VPS50: variants seen among roughly 807,000 people sequenced by gnomAD.
VPS50 encodes VPS50 subunit of EARP/GARPII complex, also known as syndetin.
In VPS50, 70 loss-of-function variants were observed where a neutral mutation model predicts 139.7. The observed-to-expected ratio is 0.50, with a 90% confidence interval of 0.41 to 0.61. The LOEUF is 0.61. Among genes scored for constraint, VPS50 ranks in the 20% least tolerant of loss-of-function variants. The probability of loss-of-function intolerance (pLI) is 0.00; values close to 1 mark genes in which losing one functional copy is unlikely to be tolerated. For missense variants in VPS50, 921 were observed against 1,133.7 expected, an observed-to-expected ratio of 0.81 and a Z score of 2.69; for synonymous variants, 365 against 376.7, an observed-to-expected ratio of 0.97 and a Z score of 0.36.
chr7:93,327,323 T>G (rs1204975041), intron 21 of VPS50, among the ~76,000 whole-genome samples: 1 of 152,168 alleles, frequency 6.6e-6, no homozygotes, highest in Non-Finnish European at 1.5e-5. Context: ...GTGACTACTA[T>G]CATATGGGAC....
chr7:93,237,294 A>G (rs1414734251), intron 1 of VPS50, among the ~76,000 whole-genome samples: 1 of 152,144 alleles, frequency 6.6e-6, no homozygotes, highest in Admixed American at 6.5e-5. Context: ...TGATCATAGA[A>G]TATAATGCAC....
chr7:93,276,266 C>T lies in VPS50; in HGVS notation c.903C>T (p.Asp301=). ...GYVELCAGNT[D]TKFQKLQYKD... Reference sequence around the variant, plus strand: ...TGGAACTATGTGCAGGAAACACAGACACAAAATTCCAAAAGCTGCAATATA... The same window carrying T: ...TGGAACTATGTGCAGGAAACACAGATACAAAATTCCAAAAGCTGCAATATA... Residue 301 remains aspartate, a synonymous_variant, in exon 12 of 28, where the codon GAC becomes GAT. Transcript: ENST00000305866. 3 of 1,613,554 alleles carry T rather than the reference C, an allele frequency of 1.9e-6. No individual in the cohort carries two copies. In the African/African-American group the frequency reaches 4.0e-5, roughly 22 times the overall value.
chr7:93,244,605 CAAG>C (rs1215357836), intron 2 of VPS50, among the ~76,000 whole-genome samples: 2 of 151,868 alleles, frequency 1.3e-5, no homozygotes, highest in African/African-American at 4.8e-5. Flanking sequence ...AAATATGACA[CAAG>C]AAATATACAT....
intron 21 of VPS50, among the ~76,000 whole-genome samples, chr7:93,326,355 A>T (rs1251592472): frequency 1.3e-5 from 2 of 148,920 alleles, no homozygotes; most frequent in Non-Finnish European, 1.5e-5. Flanking sequence ...CTAAATGACG[A>T]GTTAATGGGT....
intron 21 of VPS50, among the ~76,000 whole-genome samples, chr7:93,325,303 G>A (rs1797736579): frequency 6.6e-6 from 1 of 152,150 alleles, no homozygotes; most frequent in African/African-American, 2.4e-5. Flanking sequence ...ATTAATTCAA[G>A]ATGGATTAAA....
rs10232748 is a variant in VPS50, at chr7:93,341,282, G to A, written c.2059-145G>A. The stretch of plus-strand genomic sequence containing the variant: ...AGAAGGTTCCAATAGTTACAAACAT[G>A]AAAGCAGGATAAAAAGAACTGAACC... On this transcript the variant is annotated intron_variant, in intron 22 of 27. Coordinates refer to ENST00000305866, the MANE Select transcript of VPS50 (RefSeq NM_017667.4). 2.0e-3 allele frequency: 1,147 copies of A among 573,684 alleles called. 11 individuals carry two copies. In the African/African-American group the frequency reaches 0.02, roughly 10 times the overall value. The allele number at this position is 573,684 out of a possible 1,614,324, so 35.5% of individuals were successfully genotyped here.
In VPS50 at chr7:93,358,682, G is replaced by T; in HGVS notation, c.*246G>T. 5.7e-6 allele frequency: 2 copies of T among 350,078 alleles called. No individual in the cohort carries two copies. The highest frequency in any genetic ancestry group is 1.1e-5 in the Non-Finnish European group (2 of 186,864). 21.7% of individuals were successfully genotyped at this position (350,078 alleles called of 1,614,324 possible). On this transcript the variant is annotated 3_prime_UTR_variant, in exon 28 of 28. Coordinates refer to ENST00000305866, the MANE Select transcript of VPS50 (RefSeq NM_017667.4). Reference sequence around the variant, plus strand: ...GATGTTGCCGCCTTGTCATAACAATGGTTATGTGACTACAGTTATACATTT... The same window carrying T: ...GATGTTGCCGCCTTGTCATAACAATTGTTATGTGACTACAGTTATACATTT...
intron 6 of VPS50, 173 bp downstream of exon 6, chr7:93,257,637 A>G: frequency 2.1e-6 from 1 of 473,102 alleles, no homozygotes; most frequent in Non-Finnish European, 3.7e-6. Flanking sequence ...TTTGTGGGAA[A>G]TATCTCTAAG....
chr7:93,266,415 G>A (rs1055643890), intron 9 of VPS50, among the ~76,000 whole-genome samples: 2 of 152,052 alleles, frequency 1.3e-5, no homozygotes, highest in Non-Finnish European at 2.9e-5. Flanking sequence ...AGATATTATC[G>A]CTGTGCCATC....
chr7:93,256,679 G>T (rs1394321895), intron 5 of VPS50, 117 bp downstream of exon 5: 2 of 590,546 alleles, frequency 3.4e-6, no homozygotes, highest in African/African-American at 4.0e-5. Context: ...CATATTGACT[G>T]TTTTTGGGTG....
intron 22 of VPS50, chr7:93,340,788 C>T (rs1759626066): frequency 6.6e-6 from 1 of 152,236 alleles, no homozygotes; most frequent in Admixed American, 6.5e-5. Context: ...CTGCATCACT[C>T]CTGTTGACTA....
At chr7:93,287,713 T>C (rs1796532586) in intron 12 of VPS50, among the ~76,000 whole-genome samples, 1 of 152,160 alleles carries the variant, frequency 6.6e-6, no homozygotes, top group Non-Finnish European at 1.5e-5. Flanking sequence ...AAGTTAGAAC[T>C]ACTGACTTGT....
intron 12 of VPS50, among the ~76,000 whole-genome samples, chr7:93,287,884 G>A (rs1038037728): frequency 2.6e-5 from 4 of 152,044 alleles, no homozygotes; most frequent in African/African-American, 9.7e-5. Flanking sequence ...GGTATGTCAG[G>A]TATAATTTTG....
At chr7:93,245,488 A>G (rs531938746) in intron 2 of VPS50, among the ~76,000 whole-genome samples, 11 of 150,466 alleles carry the variant, frequency 7.3e-5, no homozygotes, top group Non-Finnish European at 1.2e-4. Context: ...ATTAAGATGT[A>G]CACACTCGAT....
At chr7:93,268,946 A>G (rs1795924337) in intron 9 of VPS50, among the ~76,000 whole-genome samples, 1 of 152,180 alleles carries the variant, frequency 6.6e-6, no homozygotes, top group South Asian at 2.1e-4. Flanking sequence ...ACTGAAATGA[A>G]ATGGTAGAAT....
intron 9 of VPS50, among the ~76,000 whole-genome samples, chr7:93,262,124 A>C (rs547900381): frequency 7.9e-5 from 12 of 152,346 alleles, no homozygotes; most frequent in African/African-American, 2.9e-4. Context: ...AAGGCTTTGC[A>C]GGGATTATAG....
intron 2 of VPS50, among the ~76,000 whole-genome samples, chr7:93,246,928 T>C (rs1035887746): frequency 6.6e-6 from 1 of 151,932 alleles, no homozygotes; most frequent in African/African-American, 2.4e-5. Flanking sequence ...GAATCCCCAA[T>C]TCCCATAATA....
intron 12 of VPS50, among the ~76,000 whole-genome samples, chr7:93,290,501 C>A (rs2116934509): frequency 6.7e-6 from 1 of 150,252 alleles, no homozygotes; most frequent in East Asian, 2.0e-4. Flanking sequence ...CTTATTTCCT[C>A]ATATGTTTTT....
In VPS50 at chr7:93,358,373, C is replaced by G. The variant is rs1334469339; in HGVS notation, c.2832C>G (p.Ile944Met). ...TGAATGTTTGCCTGGGATCCCATAT[C>G]AATAAGAAAGCAAGACAAAAACTTC... Reference protein sequence around the residue: ...NLVNVCLGSHINKKARQKLLA... With the variant: ...NLVNVCLGSHMNKKARQKLLA... The change falls in exon 28 of 28, where the codon ATC (isoleucine) becomes ATG (methionine). Residue 944 changes from isoleucine to methionine, a missense_variant. By Grantham distance (10) the Ile-to-Met change is conservative. Transcript: ENST00000305866. The G allele has an allele frequency of 6.2e-7, 1 of 1,611,510 alleles. No individual in the cohort carries two copies. Among genetic ancestry groups the G allele is most frequent in the East Asian group, 2.2e-5 (1 of 44,854 alleles).
Sources: allele counts gnomAD v4.1 joint callset (sites outside exome capture counted in the v4.1 genomes callset), GRCh38; gene constraint gnomAD v4.1.1; transcripts MANE v1.5; gene names NCBI Gene and HGNC (gene_info 2026-07-23, HGNC 2026-07-21).